Variants in DNAH11 observed in about 807,000 individuals in gnomAD.
The protein encoded by DNAH11 is dynein axonemal heavy chain 11, also known as axonemal beta dynein heavy chain 11.
A neutral mutation model predicts 526.0 loss-of-function variants in DNAH11; 442 were observed. The ratio of observed to expected loss-of-function variants is 0.84; its 90% CI spans 0.78 to 0.91. The LOEUF (loss-of-function observed/expected upper bound fraction) is 0.91. DNAH11 is among the 40% of genes least tolerant of loss of function. DNAH11 has a pLI of 0.00. For synonymous variants in DNAH11, 2,461 were observed against 1,935.9 expected, an observed-to-expected ratio of 1.27 and a Z score of -7.12; for missense variants, 6,989 against 5,448.7, an observed-to-expected ratio of 1.28 and a Z score of -8.90.
intron 46 of DNAH11, among the ~76,000 whole-genome samples, chr7:21,738,157 A>T (rs1469784790): frequency 6.6e-6 from 1 of 152,170 alleles, no homozygotes; most frequent in Non-Finnish European, 1.5e-5. Context: ...ATAGACACAA[A>T]GTCATATAGA....
At chr7:21,899,629 G>A (rs948918113) in intron 80 of DNAH11, among the ~76,000 whole-genome samples, 181 bp downstream of exon 80, 3 of 152,196 alleles carry the variant, frequency 2.0e-5, no homozygotes, top group Non-Finnish European at 2.9e-5. Context: ...AGTAGCAGCA[G>A]GAGGGAAAGG....
At chr7:21,783,107 C>T (rs1161422613) in intron 57 of DNAH11, among the ~76,000 whole-genome samples, 2 of 152,094 alleles carry the variant, frequency 1.3e-5, no homozygotes, top group African/African-American at 4.8e-5. Context: ...ATAACTCCTT[C>T]ACTCACATAA....
chr7:21,544,143 C>G (rs1006200186), intron 1 of DNAH11, among the ~76,000 whole-genome samples: 1 of 152,192 alleles, frequency 6.6e-6, no homozygotes, highest in Non-Finnish European at 1.5e-5. Context: ...CTCCTTTCTT[C>G]TTTTTCTTCC....
rs149837303 is a variant in DNAH11 at position 21,671,829 on chromosome 7, G to T, written c.5329-9717G>T. On this transcript the variant is annotated intron_variant, in intron 30 of 81. Coordinates refer to ENST00000409508, the MANE Select transcript of DNAH11 (RefSeq NM_001277115.2). Reference sequence around the variant, plus strand: ...AAAATATCTACCAGAAACCTGCAGAGAAAATCATACTTAATGGTGAAACAT... The same window carrying T: ...AAAATATCTACCAGAAACCTGCAGATAAAATCATACTTAATGGTGAAACAT... Among the ~76,000 whole-genome samples the T allele has an allele frequency of 5.9e-5, 9 of 152,284 alleles. No individual in the cohort carries two copies. In the South Asian group the frequency reaches 1.9e-3, roughly 32 times the overall value.
rs533054368 is a variant in DNAH11 at position 21,818,277 on chromosome 7, C to T, written c.10629C>T (p.Leu3543=). Residue 3543 remains leucine, a synonymous_variant, in exon 65 of 82, where the codon CTC becomes CTT. Transcript: ENST00000409508. ...AFGDVILIEN[L]EETIDPVLDP... ...GTGATGTCATCTTAATTGAAAATCTCGAGGAAACGATAGATCCAGTCCTGG... is the reference window on the plus strand; with the variant it reads ...GTGATGTCATCTTAATTGAAAATCTTGAGGAAACGATAGATCCAGTCCTGG... 21 of 1,611,822 alleles carry T rather than the reference C, an allele frequency of 1.3e-5. No individual in the cohort carries two copies. Among genetic ancestry groups the T allele is most frequent in the South Asian group, 7.7e-5 (7 of 90,732 alleles).
At chr7:21,623,982 TAAAAATA>T (rs531212613) in intron 25 of DNAH11, among the ~76,000 whole-genome samples, 173 of 150,226 alleles carry the variant, frequency 1.2e-3, no homozygotes, top group African/African-American at 4.0e-3. Flanking sequence ...AATAATAAAA[TAAAAATA>T]AAAAATAAAA....
chr7:21,682,525 CAAAAAAAAAAAAA>C (rs60337481), intron 31 of DNAH11, among the ~76,000 whole-genome samples: 1 of 96,058 alleles, frequency 1.0e-5, no homozygotes, highest in Non-Finnish European at 2.1e-5. Flanking sequence ...GACTCCATCT[CAAAAAAAAAAAAA>C]AAAAAAAAAA....
chr7:21,543,621 C>T, intron 1 of DNAH11, 25 bp downstream of exon 1: 1 of 1,561,630 alleles, frequency 6.4e-7, no homozygotes. Flanking sequence ...GCAAGGGGAC[C>T]TGCCCATCCA....
intron 72 of DNAH11, among the ~76,000 whole-genome samples, chr7:21,868,375 T>C (rs1240644395): frequency 6.6e-6 from 1 of 152,102 alleles, no homozygotes; most frequent in Non-Finnish European, 1.5e-5. Context: ...GTGTTCTGGA[T>C]TACCATTCCC....
intron 36 of DNAH11, among the ~76,000 whole-genome samples, chr7:21,700,891 T>C (rs1784027595): frequency 6.6e-6 from 1 of 151,940 alleles, no homozygotes; most frequent in African/African-American, 2.4e-5. Context: ...TTCTCACTCA[T>C]AAGTAGGAGT....
Position 21,567,109 on chromosome 7 carries a change from A to G in DNAH11, c.1194+2712A>G, listed in dbSNP as rs1783703497. Among the ~76,000 whole-genome samples the G allele has an allele frequency of 2.0e-5, 3 of 152,154 alleles. No individual in the cohort carries two copies. The South Asian group carries it at 6.2e-4, about 32-fold the overall frequency. On this transcript the variant is annotated intron_variant, in intron 6 of 81. Transcript: ENST00000409508. ...ATTTAATACTTTCAAATTATTTTCTAAAAGGTTATATCAATTACATTGTTA... is the reference window on the plus strand; with the variant it reads ...ATTTAATACTTTCAAATTATTTTCTGAAAGGTTATATCAATTACATTGTTA...
chr7:21,573,217 C>A (rs1464877481), intron 8 of DNAH11, among the ~76,000 whole-genome samples: 1 of 152,174 alleles, frequency 6.6e-6, no homozygotes, highest in Non-Finnish European at 1.5e-5. Context: ...CCTGCATAGT[C>A]ACAAACATGT....
chr7:21,770,717 C>T (rs752985147), intron 55 of DNAH11, among the ~76,000 whole-genome samples: 2 of 152,094 alleles, frequency 1.3e-5, no homozygotes, highest in Admixed American at 6.6e-5. Flanking sequence ...AGAAAGGAAA[C>T]AGAATTTTTA....
At chr7:21,670,986 G>T (rs765140390) in intron 30 of DNAH11, among the ~76,000 whole-genome samples, 1 of 151,676 alleles carries the variant, frequency 6.6e-6, no homozygotes, top group South Asian at 2.1e-4. Context: ...CTTTTTCTAT[G>T]ATATCTTTGC....
At chr7:21,829,130 C>G (rs1050771699) in intron 65 of DNAH11, among the ~76,000 whole-genome samples, 1 of 152,094 alleles carries the variant, frequency 6.6e-6, no homozygotes, top group African/African-American at 2.4e-5. Flanking sequence ...TTGGAATTCC[C>G]AAGTCTAATC....
At chr7:21,835,798 A>G (rs116250895) in intron 65 of DNAH11, among the ~76,000 whole-genome samples, 2,473 of 152,080 alleles carry the variant, frequency 0.016, 63 homozygotes, top group African/African-American at 0.056. Flanking sequence ...CCAAATTGGA[A>G]AGAAGAAAGT....
chr7:21,747,467 G>T (rs1389249653), intron 51 of DNAH11, among the ~76,000 whole-genome samples: 1 of 152,044 alleles, frequency 6.6e-6, no homozygotes, highest in Non-Finnish European at 1.5e-5. Context: ...AATTTGGGGT[G>T]TTTTACTATC....
Position 21,681,585 on chromosome 7 carries a change from G to C in DNAH11, c.5368G>C (p.Glu1790Gln). ...TACACTGATTACACTTTTGCTGGGA[G>C]AACTTCCACCTGGAGACAGACAGAA... ...LNTLITLLLG[E>Q]LPPGDRQKIM... is the part of the protein sequence containing the mutation. Residue 1790 changes from glutamate (E) to glutamine (Q), a missense_variant, in exon 31 of 82, where the codon GAA becomes CAA. Coordinates refer to ENST00000409508, the MANE Select transcript of DNAH11 (RefSeq NM_001277115.2). The C allele has an allele frequency of 6.2e-7, 1 of 1,613,886 alleles. No homozygotes were observed. Among genetic ancestry groups the C allele is most frequent in the Non-Finnish European group, 8.5e-7 (1 of 1,179,822 alleles).
At chr7:21,852,759 T>C in intron 67 of DNAH11, 128 bp downstream of exon 67, 1 of 960,482 alleles carries the variant, frequency 1.0e-6, no homozygotes. Flanking sequence ...GGTGATTTAA[T>C]AAGCTGCAGT....
Sources: gnomAD v4.1 joint callset for allele counts (sites outside exome capture counted in the v4.1 genomes callset) on GRCh38, gnomAD v4.1.1 for gene constraint, MANE v1.5 for transcripts, NCBI Gene and HGNC (gene_info 2026-07-23, HGNC 2026-07-21) for gene names.